GPR158: variants seen among roughly 807,000 people sequenced by gnomAD.
GPR158 encodes metabotropic glycine receptor.
Under a neutral mutation model 78.2 loss-of-function variants are expected in GPR158, and 30 were observed. The ratio of observed to expected loss-of-function variants is 0.38; its 90% CI spans 0.29 to 0.52. The LOEUF (loss-of-function observed/expected upper bound fraction) is 0.52, where lower values mean the gene tolerates loss of function less well. GPR158 is among the 20% of genes least tolerant of loss of function. GPR158 has a pLI of 0.83. For synonymous variants in GPR158, 581 were observed against 591.1 expected (o/e 0.98, Z 0.25); for missense variants, 1,463 against 1,523.5 (o/e 0.96, Z 0.66).
chr10:25,176,457 C>A lies in GPR158; in HGVS notation c.902+135C>A. On this transcript the variant is annotated intron_variant, in intron 1 of 10. Coordinates refer to ENST00000376351, the MANE Select transcript of GPR158 (RefSeq NM_020752.3). This position sits in a 1 kb window ranked among gnomAD's most constrained non-coding sequence, Gnocchi z 6.3. ...CTCACCCTCAGAGTAGAGACCCGGG[C>A]TGAGGGACACCCCACGCGGGCGCGG... The A allele has an allele frequency of 1.3e-6, 1 of 741,490 alleles. No homozygotes were observed. Among genetic ancestry groups the A allele is most frequent in the Non-Finnish European group, 2.1e-6 (1 of 477,714 alleles). 45.9% of individuals were successfully genotyped at this position (741,490 alleles called of 1,614,324 possible).
chr10:25,351,770 C>T lies in GPR158; in HGVS notation c.1009-44141C>T, dbSNP rs150414851. ...AACTTCTATTTGAAGTTCAGGGGTC[C>T]GTGTGCACGATGTGCAGGTTTGTTT... On this transcript the variant is annotated intron_variant, in intron 2 of 10. Coordinates refer to ENST00000376351, the MANE Select transcript of GPR158 (RefSeq NM_020752.3). 1.6e-3 allele frequency among the ~76,000 whole-genome samples: 239 copies of T among 149,252 alleles called. 3 individuals are homozygous for T. Among genetic ancestry groups the T allele is most frequent in the South Asian group, 0.013 (63 of 4,720 alleles).
At chr10:25,441,329 A>G (rs1835064357) in intron 4 of GPR158, among the ~76,000 whole-genome samples, 1 of 152,220 alleles carries the variant, frequency 6.6e-6, no homozygotes, top group South Asian at 2.1e-4. Context: ...TGGCCATGCC[A>G]AGATAACCAG....
intron 2 of GPR158, among the ~76,000 whole-genome samples, chr10:25,375,201 A>G (rs1435454697): frequency 6.6e-6 from 1 of 151,456 alleles, no homozygotes; most frequent in African/African-American, 2.4e-5. Context: ...GTGAATGTTT[A>G]TGTCCTTTGC....
At chr10:25,505,610 A>G (rs1032237167) in intron 5 of GPR158, among the ~76,000 whole-genome samples, 1 of 152,242 alleles carries the variant, frequency 6.6e-6, no homozygotes, top group Non-Finnish European at 1.5e-5. Flanking sequence ...TATCAACCGT[A>G]TGATGAAATC....
chr10:25,324,986 C>T (rs556356555), intron 2 of GPR158, among the ~76,000 whole-genome samples: 2 of 151,308 alleles, frequency 1.3e-5, no homozygotes, highest in Non-Finnish European at 2.9e-5. Context: ...CTATAGGTGC[C>T]CATCACAATA....
chr10:25,402,009 T>C (rs1407082844), intron 3 of GPR158, among the ~76,000 whole-genome samples: 1 of 152,094 alleles, frequency 6.6e-6, no homozygotes, highest in Non-Finnish European at 1.5e-5. Flanking sequence ...CAAATTACTA[T>C]TTACAAAGAA....
At chr10:25,463,321 G>GTGA (rs1233179739) in intron 4 of GPR158, among the ~76,000 whole-genome samples, 1 of 152,052 alleles carries the variant, frequency 6.6e-6, no homozygotes, top group East Asian at 1.9e-4. Flanking sequence ...CAAAATTTGT[G>GTGA]TGATTCACTT....
chr10:25,557,910 G>T (rs1836806187), intron 6 of GPR158, among the ~76,000 whole-genome samples: 1 of 152,160 alleles, frequency 6.6e-6, no homozygotes. Context: ...AGTTCACTCA[G>T]AACTAAGGAG....
At chr10:25,380,022 G>A (rs1181227207) in intron 2 of GPR158, among the ~76,000 whole-genome samples, 1 of 151,578 alleles carries the variant, frequency 6.6e-6, no homozygotes, top group Non-Finnish European at 1.5e-5. Flanking sequence ...GTTTTGGTAG[G>A]TGCTACAGCT....
chr10:25,523,840 TGAA>T (rs1836316316), intron 5 of GPR158, among the ~76,000 whole-genome samples: 1 of 150,802 alleles, frequency 6.6e-6, no homozygotes, highest in Non-Finnish European at 1.5e-5. Flanking sequence ...GGCAAGAAAA[TGAA>T]GAAGAAGAAA....
At chr10:25,357,429 C>T (rs756555744) in intron 2 of GPR158, among the ~76,000 whole-genome samples, 5 of 152,086 alleles carry the variant, frequency 3.3e-5, no homozygotes, top group Non-Finnish European at 2.9e-5. Flanking sequence ...ATTACAGGCC[C>T]GGAGGCCTAG....
chr10:25,598,779 G>A lies in GPR158; in HGVS notation c.3153G>A (p.Lys1051=). Residue 1051 remains lysine (K), a synonymous_variant, in exon 11 of 11, where the codon AAG becomes AAA. Coordinates refer to ENST00000376351, the MANE Select transcript of GPR158 (RefSeq NM_020752.3). ...CCTTAAAGGAGAAATCTCACCACAA[G>A]CCTAAGGCAGCTGAGGTTTGTCAGC... ...TFSLKEKSHH[K]PKAAEVCQQS... is the part of the protein sequence containing the mutation. 1 of 1,614,090 alleles carries A rather than the reference G, an allele frequency of 6.2e-7. No individual in the cohort carries two copies. The highest frequency in any genetic ancestry group is 8.5e-7 in the Non-Finnish European group (1 of 1,180,012).
intron 2 of GPR158, among the ~76,000 whole-genome samples, chr10:25,253,966 C>G (rs981632848): frequency 6.6e-6 from 1 of 152,178 alleles, no homozygotes; most frequent in African/African-American, 2.4e-5. Flanking sequence ...ACAACTGTCT[C>G]AGTCTAACAT....
At chr10:25,588,974 A>G in intron 7 of GPR158, 33 bp from the exon 8 acceptor site, 1 of 1,466,550 alleles carries the variant, frequency 6.8e-7, no homozygotes, top group Non-Finnish European at 9.2e-7. Context: ...CTTCACCTAT[A>G]AAACTCATGA....
intron 2 of GPR158, among the ~76,000 whole-genome samples, chr10:25,336,947 T>C (rs1467857540): frequency 1.3e-5 from 2 of 152,100 alleles, no homozygotes; most frequent in African/African-American, 4.8e-5. Flanking sequence ...CACCTTCAAT[T>C]ATATTACTCA....
chr10:25,474,919 C>A (rs1391016139), intron 5 of GPR158, among the ~76,000 whole-genome samples: 2 of 151,314 alleles, frequency 1.3e-5, no homozygotes, highest in African/African-American at 4.9e-5. Flanking sequence ...AAAACACTTT[C>A]TCATGTTATT....
At chr10:25,486,672 C>T (rs1325413254) in intron 5 of GPR158, among the ~76,000 whole-genome samples, 2 of 152,072 alleles carry the variant, frequency 1.3e-5, no homozygotes, top group African/African-American at 2.4e-5. Flanking sequence ...TTACAAAATT[C>T]CGGAAGGATG....
rs574672034 is a variant in GPR158 at position 25,327,754 on chromosome 10, C to A, written c.1009-68157C>A. ...GCATAAGTGGAAACTGAAAAGTTGACAAAATTATAAAAAGGTTAAAAGAGA... is the reference window on the plus strand; with the variant it reads ...GCATAAGTGGAAACTGAAAAGTTGAAAAAATTATAAAAAGGTTAAAAGAGA... On this transcript the variant is annotated intron_variant, in intron 2 of 10. Transcript: ENST00000376351. Among the ~76,000 whole-genome samples, 3 of 151,546 alleles carry A rather than the reference C, an allele frequency of 2.0e-5. No homozygotes were observed. In the South Asian group the frequency reaches 6.3e-4, roughly 32 times the overall value.
chr10:25,384,414 T>C (rs1193207858), intron 2 of GPR158, among the ~76,000 whole-genome samples: 2 of 152,196 alleles, frequency 1.3e-5, no homozygotes, highest in Non-Finnish European at 2.9e-5. Context: ...TTCAGCGTAA[T>C]GATTCTGACT....
Sources: allele counts gnomAD v4.1 joint callset (sites outside exome capture counted in the v4.1 genomes callset), GRCh38; gene constraint gnomAD v4.1.1; non-coding constraint Gnocchi (gnomAD v3.1); transcripts MANE v1.5; gene names NCBI Gene and HGNC (gene_info 2026-07-23, HGNC 2026-07-21).